Variants in SATB1 observed in about 807,000 individuals in gnomAD.
The protein encoded by SATB1 is SATB homeobox 1.
A neutral mutation model predicts 86.9 loss-of-function variants in SATB1; 11 were observed. The observed-to-expected ratio is 0.13, with a 90% CI of 0.08 to 0.21. The LOEUF is 0.21. SATB1 is among the 10% of genes least tolerant of loss of function. The pLI is 1.00. For synonymous variants in SATB1, 357 were observed against 357.2 expected (o/e 1.00, Z 0.01); for missense variants, 551 against 937.6 (o/e 0.59, Z 5.39).
Position 18,349,246 on chromosome 3 carries a change from G to GT in SATB1, c.2215dup (p.Thr739AsnfsTer20). The GT allele has an allele frequency of 6.2e-7, 1 of 1,614,182 alleles. No individual in the cohort carries two copies. The highest frequency in any genetic ancestry group is 8.5e-7 in the Non-Finnish European group (1 of 1,180,040). ...TTCTTCTAGTTTCACTGAAAAAAGG[G>GT]TGTTAGTATTTTTATCTTGGACACT... On this transcript the variant is annotated frameshift_variant, in exon 11 of 11. Coordinates refer to ENST00000338745, the MANE Select transcript of SATB1 (RefSeq NM_002971.6). LOFTEE classifies it high-confidence loss of function. This position sits in a 1 kb window ranked among gnomAD's most constrained non-coding sequence, Gnocchi z 5.5.
chr3:18,445,123 C>T (rs1699356087), intron 1 of SATB1: 2 of 740,838 alleles, frequency 2.7e-6, no homozygotes, highest in Non-Finnish European at 1.6e-6. Flanking sequence ...CGGCGGACCC[C>T]GCGTAGCCGC....
chr3:18,368,391 G>C (rs1434181794), intron 9 of SATB1, among the ~76,000 whole-genome samples: 3 of 152,006 alleles, frequency 2.0e-5, no homozygotes, highest in Non-Finnish European at 2.9e-5. Context: ...TAGGCCAAAA[G>C]AAACTATGAA....
At chr3:18,391,882 T>C (rs775456999) in intron 7 of SATB1, among the ~76,000 whole-genome samples, 35 of 152,156 alleles carry the variant, frequency 2.3e-4, no homozygotes, top group Non-Finnish European at 5.0e-4. Flanking sequence ...CAGCTGTGTA[T>C]GTATGTGTGT....
intron 9 of SATB1, among the ~76,000 whole-genome samples, chr3:18,377,379 A>C (rs546653397): frequency 9.9e-4 from 151 of 152,282 alleles, no homozygotes; most frequent in Non-Finnish European, 1.5e-3. Flanking sequence ...CTGGTCCTTT[A>C]AAAAGTATTC....
chr3:18,432,133 T>C (rs1357018027), intron 2 of SATB1, among the ~76,000 whole-genome samples: 1 of 152,188 alleles, frequency 6.6e-6, no homozygotes, highest in African/African-American at 2.4e-5. Context: ...TGAAAACTGT[T>C]CAACTTATTT....
At chr3:18,397,133 A>T (rs1168362846) in intron 6 of SATB1, 46 bp downstream of exon 6, 4 of 1,022,632 alleles carry the variant, frequency 3.9e-6, no homozygotes, top group Non-Finnish European at 6.2e-6. Flanking sequence ...CCCCCAAATG[A>T]CACGTAATGG....
upstream of SATB1, among the ~76,000 whole-genome samples, chr3:18,426,891 G>A (rs1294810523): frequency 6.6e-6 from 1 of 152,152 alleles, no homozygotes; most frequent in Non-Finnish European, 1.5e-5. This position sits in a 1 kb window ranked among gnomAD's most constrained non-coding sequence, Gnocchi z 4.2. Context: ...GAAAAGTGTA[G>A]GAAATGATGG....
At chr3:18,423,159 CTCA>C in intron 1 of SATB1, among the ~76,000 whole-genome samples, 1 of 152,196 alleles carries the variant, frequency 6.6e-6, no homozygotes, top group Non-Finnish European at 1.5e-5. Context: ...TAACTATGGT[CTCA>C]ACAGATGCCA....
rs1324013369 is a variant in SATB1, at chr3:18,345,514, A to AGAT, written c.*3653_*3655dup. Reference sequence around the variant, plus strand: ...TTTTATCAAAAATGTGCATATTAATAGATTGTAGTTTAGCCTTTGTCAAAA... The same window carrying AGAT: ...TTTTATCAAAAATGTGCATATTAATAGATGATTGTAGTTTAGCCTTTGTCAAAA... On this transcript the variant is annotated 3_prime_UTR_variant, in exon 11 of 11. Transcript: ENST00000338745. The AGAT allele has an allele frequency of 1.3e-5, 2 of 152,270 alleles. No homozygotes were observed. The highest frequency in any genetic ancestry group is 4.8e-5 in the African/African-American group (2 of 41,576). 9.4% of individuals were successfully genotyped at this position (152,270 alleles called of 1,614,324 possible). A position where few individuals can be genotyped will look rare whatever the true frequency, so the allele number is the denominator to read the frequency against.
intron 5 of SATB1, among the ~76,000 whole-genome samples, chr3:18,413,449 T>G (rs1697965494): frequency 6.6e-6 from 1 of 152,140 alleles, no homozygotes; most frequent in Admixed American, 6.6e-5. Flanking sequence ...GCGATTCCAG[T>G]ACTGGGTGTT....
At chr3:18,428,762 A>G (rs1306368727), upstream of SATB1, among the ~76,000 whole-genome samples, 1 of 152,178 alleles carries the variant, frequency 6.6e-6, no homozygotes, top group Non-Finnish European at 1.5e-5. Context: ...CTACACACAA[A>G]ATTTTTAAAA....
At chr3:18,374,632 G>A (rs1219417430) in intron 9 of SATB1, among the ~76,000 whole-genome samples, 1 of 152,144 alleles carries the variant, frequency 6.6e-6, no homozygotes, top group African/African-American at 2.4e-5. Flanking sequence ...TTCTATTAGA[G>A]TTAAAAACAA....
chr3:18,402,340 C>G (rs997238376), intron 5 of SATB1, among the ~76,000 whole-genome samples: 2 of 151,284 alleles, frequency 1.3e-5, no homozygotes, highest in Non-Finnish European at 3.0e-5. Context: ...TAACAACAAC[C>G]AAAAAAAACC....
intron 5 of SATB1, among the ~76,000 whole-genome samples, chr3:18,407,842 T>TA (rs1404142682): frequency 1.3e-5 from 2 of 152,062 alleles, no homozygotes; most frequent in Admixed American, 1.3e-4. Context: ...TGTCGTATGT[T>TA]ATCATAAGAC....
At chr3:18,357,438 A>G (rs1186449188) in intron 9 of SATB1, among the ~76,000 whole-genome samples, 1 of 151,862 alleles carries the variant, frequency 6.6e-6, no homozygotes. Flanking sequence ...CTAGCAATTT[A>G]TCATTCAGCA....
chr3:18,375,602 G>T (rs1191378787), intron 9 of SATB1, among the ~76,000 whole-genome samples: 1 of 151,642 alleles, frequency 6.6e-6, no homozygotes, highest in Non-Finnish European at 1.5e-5. Context: ...GATTTGAAGG[G>T]TTTTTTTGTT....
chr3:18,445,183 C>T, intron 1 of SATB1: 15 of 974,694 alleles, frequency 1.5e-5, no homozygotes, highest in Non-Finnish European at 1.7e-5. Flanking sequence ...GGCCAGGGCC[C>T]GGCCCGCCTC....
In SATB1 at chr3:18,394,891, T is replaced by G; in HGVS notation, c.777A>C (p.Leu259=). ...MMVEMDSLSE[L]SQQGANHVNF... ...TGACATGATTGGCGCCTTGCTGGGA[T>G]AGCTCAGAAAGACTATCCATTTCAA... The change falls in exon 7 of 11, where the codon CTA becomes CTC. Residue 259 remains leucine (L), a synonymous_variant. Transcript: ENST00000338745. This position sits in a 1 kb window ranked among gnomAD's most constrained non-coding sequence, Gnocchi z 5.9. 6.2e-7 allele frequency: 1 copy of G among 1,605,596 alleles called. No homozygotes were observed. The highest frequency in any genetic ancestry group is 1.1e-5 in the South Asian group (1 of 90,572).
chr3:18,368,350 C>G (rs1484343074), intron 9 of SATB1, among the ~76,000 whole-genome samples: 1 of 152,120 alleles, frequency 6.6e-6, no homozygotes, highest in East Asian at 1.9e-4. Flanking sequence ...AAGGCAAAGA[C>G]AGTATTTTAT....
Sources: allele counts gnomAD v4.1 joint callset (sites outside exome capture counted in the v4.1 genomes callset), GRCh38; gene constraint gnomAD v4.1.1; non-coding constraint Gnocchi (gnomAD v3.1); transcripts MANE v1.5; gene names NCBI Gene and HGNC (gene_info 2026-07-23, HGNC 2026-07-21).